Variants in RBFOX1 observed in about 807,000 individuals in gnomAD.
The protein encoded by RBFOX1 is RNA binding protein fox-1 homolog 1.
In RBFOX1, 8 loss-of-function variants were observed where a neutral mutation model predicts 57.7. The observed-to-expected ratio is 0.14, with a 90% CI of 0.08 to 0.25. The LOEUF is 0.25. Ranked by LOEUF, RBFOX1 falls within the 10% of genes least tolerant of loss-of-function variation. The probability of loss-of-function intolerance (pLI) is 1.00; values close to 1 mark genes in which losing one functional copy is unlikely to be tolerated. For missense variants in RBFOX1, 611 were observed against 548.5 expected, an observed-to-expected ratio of 1.11 and a Z score of -1.14; for synonymous variants, 326 against 222.4, an observed-to-expected ratio of 1.47 and a Z score of -4.15.
At chr16:6,498,216 C>T (rs1019904803) in intron 2 of RBFOX1, among the ~76,000 whole-genome samples, 24 of 146,170 alleles carry the variant, frequency 1.6e-4, no homozygotes, top group East Asian at 2.1e-4. Flanking sequence ...TGTGCCACTG[C>T]GCTCAAGCCT....
intron 4 of RBFOX1, among the ~76,000 whole-genome samples, chr16:7,397,861 A>G (rs534485021): frequency 1.4e-4 from 22 of 152,196 alleles, no homozygotes; most frequent in African/African-American, 4.3e-4. Flanking sequence ...CTCTTAGTCT[A>G]TTGGAACCTT....
At chr16:7,496,365 A>G (rs1490305038) in intron 4 of RBFOX1, among the ~76,000 whole-genome samples, 1 of 151,850 alleles carries the variant, frequency 6.6e-6, no homozygotes, top group Non-Finnish European at 1.5e-5. Context: ...CTGGTCTTGA[A>G]CTCTTGACCT....
At chr16:7,173,801 C>G (rs2081162105) in intron 4 of RBFOX1, among the ~76,000 whole-genome samples, 1 of 152,184 alleles carries the variant, frequency 6.6e-6, no homozygotes, top group African/African-American at 2.4e-5. Flanking sequence ...TAGTAATATT[C>G]TTTATCCCAA....
intron 4 of RBFOX1, among the ~76,000 whole-genome samples, chr16:7,086,199 C>G (rs894388337): frequency 7.9e-5 from 12 of 152,186 alleles, no homozygotes; most frequent in African/African-American, 2.6e-4. Context: ...CACAGTTTAC[C>G]TAATGCTTTT....
At position 5,408,264 on chromosome 16, in the gene RBFOX1, A is replaced by G. The variant is rs2066917146; in HGVS notation, c.220-58952A>G. Among the ~76,000 whole-genome samples the G allele has an allele frequency of 2.0e-5, 3 of 152,234 alleles. No individual in the cohort carries two copies. The South Asian group carries it at 6.2e-4, about 32-fold the overall frequency. ...GTGAAAGGGGCCATACAGAGACCCA[A>G]GATTGGAGAGAGATGACATGTTTTA... On this transcript the variant is annotated intron_variant, in intron 1 of 2. Coordinates refer to the RBFOX1 transcript ENST00000585867.
chr16:6,268,880 T>G (rs925293798), intron 1 of RBFOX1, among the ~76,000 whole-genome samples: 1 of 152,158 alleles, frequency 6.6e-6, no homozygotes, highest in Non-Finnish European at 1.5e-5. Flanking sequence ...GCAGTATCAG[T>G]GGGGGACTGG....
intron 3 of RBFOX1, among the ~76,000 whole-genome samples, chr16:5,804,171 A>G (rs2055154741): frequency 6.6e-6 from 1 of 152,252 alleles, no homozygotes; most frequent in Non-Finnish European, 1.5e-5. Flanking sequence ...CAAGAGAAGC[A>G]TATTGCTTGA....
rs145074792 is a variant in RBFOX1 at position 5,839,352 on chromosome 16, G to T, written c.319-27951G>T. Among the ~76,000 whole-genome samples the T allele has an allele frequency of 1.1e-3, 173 of 152,168 alleles. 2 individuals carry two copies. Among genetic ancestry groups the T allele is most frequent in the African/African-American group, 4.0e-3 (165 of 41,506 alleles). ...TGGGAGGGAACTGATAGTTTCATTT[G>T]GGACCCACTTTTTGCCAAAAGCCCT... On this transcript the variant is annotated intron_variant, in intron 3 of 19. Coordinates refer to the RBFOX1 transcript ENST00000641259.
At chr16:7,171,041 T>C (rs1212533158) in intron 4 of RBFOX1, among the ~76,000 whole-genome samples, 1 of 152,202 alleles carries the variant, frequency 6.6e-6, no homozygotes, top group Non-Finnish European at 1.5e-5. Context: ...GATGTCTCCT[T>C]CATTTCCATT....
intron 4 of RBFOX1, among the ~76,000 whole-genome samples, chr16:7,199,067 C>T (rs951540716): frequency 2.0e-5 from 3 of 152,182 alleles, no homozygotes; most frequent in Non-Finnish European, 2.9e-5. Context: ...AGAATATCAT[C>T]ACCACAGGTC....
intron 4 of RBFOX1, among the ~76,000 whole-genome samples, chr16:5,927,945 G>T (rs2058970860): frequency 1.3e-5 from 2 of 152,164 alleles, no homozygotes; most frequent in South Asian, 4.1e-4. Flanking sequence ...AGAGGCTGGG[G>T]CAGGAGCTGG....
intron 4 of RBFOX1, among the ~76,000 whole-genome samples, chr16:5,983,710 G>A (rs933479114): frequency 6.6e-6 from 1 of 152,098 alleles, no homozygotes; most frequent in Admixed American, 6.5e-5. Flanking sequence ...AGAGAGCATC[G>A]AGTTGGAATT....
At chr16:6,343,173 T>C (rs1040343945) in intron 2 of RBFOX1, among the ~76,000 whole-genome samples, 3 of 152,236 alleles carry the variant, frequency 2.0e-5, no homozygotes, top group African/African-American at 7.2e-5. Flanking sequence ...AAAGATAGTC[T>C]CATCAGAAAT....
intron 3 of RBFOX1, among the ~76,000 whole-genome samples, chr16:5,736,212 C>A (rs1249767300): frequency 6.6e-6 from 1 of 152,148 alleles, no homozygotes; most frequent in African/African-American, 2.4e-5. Flanking sequence ...CCCTTTTGAG[C>A]AGTGTCGAAA....
chr16:5,454,271 C>G (rs936723972), intron 1 of RBFOX1, among the ~76,000 whole-genome samples: 3 of 152,226 alleles, frequency 2.0e-5, no homozygotes, highest in African/African-American at 7.2e-5. Context: ...AAGAGATATT[C>G]CAGTGTTGCA....
At chr16:6,562,426 T>C (rs772561703) in intron 2 of RBFOX1, among the ~76,000 whole-genome samples, 47 of 152,242 alleles carry the variant, frequency 3.1e-4, no homozygotes, top group Non-Finnish European at 5.4e-4. Flanking sequence ...ATAGGCATCA[T>C]CAACTTTTGT....
At chr16:6,727,789 C>T (rs973029878) in intron 3 of RBFOX1, among the ~76,000 whole-genome samples, 1 of 152,102 alleles carries the variant, frequency 6.6e-6, no homozygotes, top group African/African-American at 2.4e-5. Flanking sequence ...TTTTGTCAGG[C>T]ATTTGAGGTC....
chr16:6,931,737 G>T (rs1425289848), intron 3 of RBFOX1, among the ~76,000 whole-genome samples: 1 of 152,160 alleles, frequency 6.6e-6, no homozygotes, highest in Non-Finnish European at 1.5e-5. Context: ...TGCTTGTGCA[G>T]ATCTCTTTGT....
chr16:6,768,444 G>A, intron 3 of RBFOX1, among the ~76,000 whole-genome samples: 1 of 151,742 alleles, frequency 6.6e-6, no homozygotes, highest in South Asian at 2.1e-4. Context: ...CAGAGAGAGA[G>A]GGAAAATTCC....
Sources: gnomAD v4.1 joint callset for allele counts (sites outside exome capture counted in the v4.1 genomes callset) on GRCh38, gnomAD v4.1.1 for gene constraint, MANE v1.5 for transcripts, NCBI Gene and HGNC (gene_info 2026-07-23, HGNC 2026-07-21) for gene names.